The following WSB1 variants were observed in gnomAD, a reference collection of about 807,000 sequenced individuals.
WSB1 encodes WD repeat and SOCS box containing 1, also known as WD repeat and SOCS box-containing protein 1.
WSB1 carries 23 observed loss-of-function variants against 50.2 expected under a neutral mutation model. The ratio of observed to expected loss-of-function variants is 0.46; its 90% CI spans 0.33 to 0.65. WSB1 has a LOEUF of 0.65. Ranked by LOEUF, WSB1 falls within the 30% of genes least tolerant of loss-of-function variation. The probability of loss-of-function intolerance (pLI) is 0.02; values close to 1 mark genes in which losing one functional copy is unlikely to be tolerated. For missense variants in WSB1, 492 were observed against 522.3 expected (o/e 0.94, Z 0.56); for synonymous variants, 179 against 172.0 (o/e 1.04, Z -0.32).
chr17:27,300,192 C>T (rs2017169894), intron 1 of WSB1, among the ~76,000 whole-genome samples: 1 of 112,952 alleles, frequency 8.9e-6, no homozygotes, highest in South Asian at 3.1e-4. Flanking sequence ...TGTCCAGGTT[C>T]TCTAGCTATA....
Position 27,294,355 on chromosome 17 carries a change from G to C in WSB1, c.-41G>C. 1 of 1,611,104 alleles carries C rather than the reference G, an allele frequency of 6.2e-7. No homozygotes were observed. Among genetic ancestry groups the C allele is most frequent in the Non-Finnish European group, 8.5e-7 (1 of 1,178,164 alleles). On this transcript the variant is annotated 5_prime_UTR_variant, in exon 1 of 9. Coordinates refer to ENST00000262394, the MANE Select transcript of WSB1 (RefSeq NM_015626.10). Reference sequence around the variant, plus strand: ...GGTCGCCACTCTCTTCTCTGTTGTTGGGTCCGCATCGTATTCCCGGAATCA... The same window carrying C: ...GGTCGCCACTCTCTTCTCTGTTGTTCGGTCCGCATCGTATTCCCGGAATCA...
intron 3 of WSB1, 47 bp from the exon 4 acceptor site, chr17:27,304,731 CAA>C (rs746932866): frequency 6.3e-7 from 1 of 1,576,510 alleles, no homozygotes; most frequent in Non-Finnish European, 8.6e-7. Context: ...AAGAACAAAA[CAA>C]AAATATATTA....
At position 27,303,483 on chromosome 17, in the gene WSB1, T is replaced by A. The variant is rs142114425; in HGVS notation, c.326T>A (p.Ile109Lys). 6.2e-7 allele frequency: 1 copy of A among 1,614,152 alleles called. No individual in the cohort carries two copies. The highest frequency in any genetic ancestry group is 8.5e-7 in the Non-Finnish European group (1 of 1,180,016). Residue 109 changes from isoleucine to lysine, a missense_variant, in exon 3 of 9, where the codon ATA (isoleucine) becomes AAA (lysine). By Grantham distance (102) the Ile-to-Lys change is moderately radical (BLOSUM62 -3). Transcript: ENST00000262394. ...PREHIIDCGDIVWSLAFGSSV... is the reference protein window; with the variant it reads ...PREHIIDCGDKVWSLAFGSSV... ...GAACATATTATAGACTGTGGAGATATAGTCTGGAGTCTTGCTTTTGGGTCA... is the reference window on the plus strand; with the variant it reads ...GAACATATTATAGACTGTGGAGATAAAGTCTGGAGTCTTGCTTTTGGGTCA...
In WSB1 at chr17:27,312,509, A is replaced by T. The variant is rs1417930766; in HGVS notation, c.*140A>T. The T allele has an allele frequency of 9.0e-6, 10 of 1,112,584 alleles. No homozygotes were observed. In the East Asian group the frequency reaches 2.5e-4, roughly 28 times the overall value. 68.9% of individuals were successfully genotyped at this position (1,112,584 alleles called of 1,614,324 possible). On this transcript the variant is annotated 3_prime_UTR_variant, in exon 9 of 9. Coordinates refer to ENST00000262394, the MANE Select transcript of WSB1 (RefSeq NM_015626.10). ...TATGTTCTTGTACTGCATTTTGATC[A>T]GTTGAGCTTTTAAAATATTATTTAT...
In WSB1 at chr17:27,310,123, C is replaced by T; in HGVS notation, c.947C>T (p.Ser316Phe). The change falls in exon 7 of 9, where the codon TCT becomes TTT. Residue 316 changes from serine (S) to phenylalanine (F), a missense_variant. Transcript: ENST00000262394. The part of the protein sequence containing the change: ...AGGANDRWVR[S>F]VSFSHDGLHV... ...GGAGCAAATGACCGGTGGGTACGAT[C>T]TGTATCTTTTAGCCATGATGGACTG... is the stretch of plus-strand genomic sequence containing the variant. The T allele has an allele frequency of 2.5e-6, 4 of 1,614,104 alleles. No individual in the cohort carries two copies. The highest frequency in any genetic ancestry group is 3.4e-6 in the Non-Finnish European group (4 of 1,179,972).
At chr17:27,294,865 A>G (rs1280908408) in intron 1 of WSB1, among the ~76,000 whole-genome samples, 2 of 152,014 alleles carry the variant, frequency 1.3e-5, no homozygotes, top group African/African-American at 4.8e-5. Flanking sequence ...CCACTCTTAG[A>G]TAGAAATGAG....
chr17:27,307,866 C>A (rs2017522137), intron 5 of WSB1: 1 of 1,472,424 alleles, frequency 6.8e-7, no homozygotes, highest in African/African-American at 1.4e-5. Context: ...GCGACCTTTA[C>A]CATAGGATGA....
chr17:27,300,789 A>T (rs1030690777), intron 1 of WSB1, among the ~76,000 whole-genome samples: 19 of 151,602 alleles, frequency 1.3e-4, no homozygotes, highest in African/African-American at 4.6e-4. Flanking sequence ...TCCAAGATTC[A>T]AACAGTTCTT....
intron 1 of WSB1, among the ~76,000 whole-genome samples, chr17:27,296,152 G>T (rs1336338304): frequency 6.6e-6 from 1 of 152,020 alleles, no homozygotes; most frequent in Non-Finnish European, 1.5e-5. Context: ...TGTTTTCTAA[G>T]AGATGGATAG....
intron 4 of WSB1, among the ~76,000 whole-genome samples, chr17:27,305,954 T>C (rs1000393546): frequency 1.6e-4 from 24 of 152,204 alleles, no homozygotes; most frequent in African/African-American, 4.6e-4. Context: ...TCCAGTTATA[T>C]CCTCAGTGCC....
Position 27,306,508 on chromosome 17 carries a change from C to G in WSB1, c.611-274C>G, listed in dbSNP as rs549185150. On this transcript the variant is annotated intron_variant, in intron 4 of 8. Transcript: ENST00000262394. ...GGAATTACAGACAAGAGCCACCGCGCCAGGCCCCAGACTTTTTCTTGAAGG... is the reference window on the plus strand; with the variant it reads ...GGAATTACAGACAAGAGCCACCGCGGCAGGCCCCAGACTTTTTCTTGAAGG... Among the ~76,000 whole-genome samples, 41 of 152,270 alleles carry G rather than the reference C, an allele frequency of 2.7e-4. No individual in the cohort carries two copies. In the South Asian group the frequency reaches 8.5e-3, roughly 32 times the overall value.
intron 5 of WSB1, chr17:27,307,646 T>G (rs1437989562): frequency 5.6e-6 from 7 of 1,239,598 alleles, no homozygotes; most frequent in African/African-American, 1.5e-5. Context: ...GATACTCAGT[T>G]TAGTTCTTTA....
At chr17:27,295,633 GTTA>G (rs549853159) in intron 1 of WSB1, among the ~76,000 whole-genome samples, 117 of 152,242 alleles carry the variant, frequency 7.7e-4, no homozygotes, top group African/African-American at 2.6e-3. Flanking sequence ...TTTGTGTCCA[GTTA>G]TTATTTTAAC....
At chr17:27,304,676 C>A in intron 3 of WSB1, 104 bp from the exon 4 acceptor site, 1 of 1,176,256 alleles carries the variant, frequency 8.5e-7, no homozygotes, top group Non-Finnish European at 1.2e-6. Flanking sequence ...TACGCCATTG[C>A]ACTCCAGCCT....
rs1194672138 is a variant in WSB1, at chr17:27,315,491, C to G, written c.*3122C>G. The G allele has an allele frequency of 6.6e-6, 1 of 152,232 alleles. No individual in the cohort carries two copies. The highest frequency in any genetic ancestry group is 2.4e-5 in the African/African-American group (1 of 41,436). The allele number at this position is 152,232 out of a possible 1,614,324, so 9.4% of individuals were successfully genotyped here. On this transcript the variant is annotated 3_prime_UTR_variant, in exon 9 of 9. Transcript: ENST00000262394. ...TTGGATTCAACTGGTTTACACTGCT[C>G]TTGGGTCGGCAAGACCAAAAAAGGT...
chr17:27,302,845 CT>C (rs1207338693), intron 2 of WSB1: 1 of 152,744 alleles, frequency 6.5e-6, no homozygotes, highest in Non-Finnish European at 1.5e-5. Context: ...TATATTGGAT[CT>C]TTCCCTGTTT....
At position 27,294,317 on chromosome 17, in the gene WSB1, C is replaced by T. The variant is rs1403754463; in HGVS notation, c.-79C>T. 3.8e-6 allele frequency: 6 copies of T among 1,574,694 alleles called. No individual in the cohort carries two copies. The East Asian group carries it at 9.1e-5, about 24-fold the overall frequency. ...GGCCCGGGAGGGACCAACTTGGCGT[C>T]ACGCCCCTCAGCGGTCGCCACTCTC... On this transcript the variant is annotated 5_prime_UTR_variant, in exon 1 of 9. Coordinates refer to ENST00000262394, the MANE Select transcript of WSB1 (RefSeq NM_015626.10).
intron 4 of WSB1, among the ~76,000 whole-genome samples, chr17:27,306,287 A>T (rs1285320887): frequency 7.6e-6 from 1 of 131,714 alleles, no homozygotes; most frequent in Non-Finnish European, 1.5e-5. Flanking sequence ...ATCTCCGCTC[A>T]CTGCAGCCTC....
chr17:27,298,096 G>C (rs574447090), intron 1 of WSB1, among the ~76,000 whole-genome samples: 5 of 137,120 alleles, frequency 3.6e-5, no homozygotes, highest in Admixed American at 7.9e-5. Flanking sequence ...CTGCACTCCA[G>C]CCTGGGCAAC....
Sources: allele counts gnomAD v4.1 joint callset (sites outside exome capture counted in the v4.1 genomes callset), GRCh38; gene constraint gnomAD v4.1.1; transcripts MANE v1.5; gene names NCBI Gene and HGNC (gene_info 2026-07-23, HGNC 2026-07-21).